Variants in ITPK1 observed in about 807,000 individuals in gnomAD.
The protein encoded by ITPK1 is inositol-tetrakisphosphate 1-kinase, also known as inositol 1,3,4-trisphosphate 5/6-kinase.
ITPK1 carries 21 observed loss-of-function variants against 45.3 expected under a neutral mutation model. The observed-to-expected ratio is 0.46, with a 90% CI of 0.33 to 0.67. The LOEUF (loss-of-function observed/expected upper bound fraction) is 0.67, where lower values mean the gene tolerates loss of function less well. ITPK1 is among the 30% of genes least tolerant of loss of function. The pLI is 0.02. For missense variants in ITPK1, 474 were observed against 573.5 expected (o/e 0.83, Z 1.77); for synonymous variants, 258 against 253.6 (o/e 1.02, Z -0.16).
At chr14:92,959,643 C>T (rs1884947059) in intron 7 of ITPK1, among the ~76,000 whole-genome samples, 1 of 152,040 alleles carries the variant, frequency 6.6e-6, no homozygotes, top group African/African-American at 2.4e-5. Context: ...TTAAGCGCCA[C>T]TGTCTTCCTC....
At chr14:92,980,154 C>T (rs956683213) in intron 5 of ITPK1, among the ~76,000 whole-genome samples, 1 of 152,152 alleles carries the variant, frequency 6.6e-6, no homozygotes, top group African/African-American at 2.4e-5. Context: ...CCTGGATCAT[C>T]TTTGGGCAGA....
chr14:92,992,756 G>A (rs1886851140), intron 5 of ITPK1, among the ~76,000 whole-genome samples: 1 of 152,254 alleles, frequency 6.6e-6, no homozygotes, highest in South Asian at 2.1e-4. Context: ...CGGGGAGCCT[G>A]AGTCAGACAG....
At chr14:93,065,239 C>T (rs180945381) in intron 3 of ITPK1, among the ~76,000 whole-genome samples, 147 of 152,310 alleles carry the variant, frequency 9.7e-4, no homozygotes, top group African/African-American at 3.4e-3. Flanking sequence ...ATGCTACAGA[C>T]ATTTCTGGCT....
chr14:92,947,227 G>T (rs1338245453), intron 9 of ITPK1, among the ~76,000 whole-genome samples: 1 of 152,216 alleles, frequency 6.6e-6, no homozygotes, highest in Non-Finnish European at 1.5e-5. Context: ...AACAATGCGG[G>T]CTCCCCAGAG....
At chr14:93,082,595 G>A (rs529380331) in intron 2 of ITPK1, among the ~76,000 whole-genome samples, 1 of 152,338 alleles carries the variant, frequency 6.6e-6, no homozygotes, top group African/African-American at 2.4e-5. Context: ...ACTCTGCCCT[G>A]CCACCCTGCC....
chr14:92,970,477 C>T (rs899910907), intron 5 of ITPK1, among the ~76,000 whole-genome samples: 1 of 152,184 alleles, frequency 6.6e-6, no homozygotes, highest in Non-Finnish European at 1.5e-5. Context: ...CCTCCGACAC[C>T]GGCTCTTAGA....
chr14:93,013,041 C>T (rs1486214515), intron 4 of ITPK1, among the ~76,000 whole-genome samples: 2 of 152,158 alleles, frequency 1.3e-5, no homozygotes, highest in African/African-American at 4.8e-5. Context: ...ACTCACCAGG[C>T]CAGGAGGCCC....
At chr14:92,962,422 G>A in intron 6 of ITPK1, 27 bp from the exon 7 acceptor site, 1 of 1,560,704 alleles carries the variant, frequency 6.4e-7, no homozygotes, top group Non-Finnish European at 8.8e-7. Flanking sequence ...GAAAAGCAGA[G>A]AGAAATTAGT....
In ITPK1 at chr14:92,946,538, C is replaced by A; in HGVS notation, c.739-45G>T. On this transcript the variant is annotated intron_variant, in intron 9 of 10. Coordinates refer to ENST00000267615, the MANE Select transcript of ITPK1 (RefSeq NM_014216.6). ...AGTCAGGCCATGGGCCGAGGAGCTG[C>A]GAAGCCACACCACACAGACAGACCC... is the stretch of plus-strand genomic sequence containing the variant. 6.3e-6 allele frequency: 10 copies of A among 1,582,996 alleles called. 1 individual carries two copies. In the South Asian group the frequency reaches 8.9e-5, roughly 14 times the overall value.
In ITPK1 at chr14:92,939,684, AG is replaced by A. The variant is rs1423307162; in HGVS notation, c.*1876del. 1 of 985,184 alleles carries A rather than the reference AG, an allele frequency of 1.0e-6. No homozygotes were observed. The highest frequency in any genetic ancestry group is 1.1e-4 in the East Asian group (1 of 8,826). 61.0% of individuals were successfully genotyped at this position (985,184 alleles called of 1,614,324 possible). ...GGGCCCTGGACGCGCAAGACCCCGG[AG>A]GCCACAAACGGTACAGGAACACAGC... On this transcript the variant is annotated 3_prime_UTR_variant, in exon 11 of 11. Coordinates refer to ENST00000267615, the MANE Select transcript of ITPK1 (RefSeq NM_014216.6).
Position 92,975,202 on chromosome 14 carries a change from AG to A in ITPK1, c.365-12354del, listed in dbSNP as rs1396403592. Among the ~76,000 whole-genome samples, 4 of 152,238 alleles carry A rather than the reference AG, an allele frequency of 2.6e-5. No individual in the cohort carries two copies. The Middle Eastern group carries it at 9.5e-3, about 361-fold the overall frequency. On this transcript the variant is annotated intron_variant, in intron 5 of 10. Transcript: ENST00000267615. The stretch of plus-strand genomic sequence containing the variant: ...CCAGCCTTGAAGTCCTCCATGGCCA[AG>A]GGCCTGCCTATGCCTCCCTCCTCCC...
chr14:93,040,960 A>G (rs1889536593), intron 3 of ITPK1, among the ~76,000 whole-genome samples: 1 of 152,186 alleles, frequency 6.6e-6, no homozygotes, highest in African/African-American at 2.4e-5. Flanking sequence ...TGTCGTGCAC[A>G]TTCAACAAGA....
rs980986305 is a variant in ITPK1, at chr14:93,034,505, C to T, written c.121-17704G>A. 1.6e-4 allele frequency among the ~76,000 whole-genome samples: 25 copies of T among 152,178 alleles called. No individual in the cohort carries two copies. Among genetic ancestry groups the T allele is most frequent in the Non-Finnish European group, 3.2e-4 (22 of 68,018 alleles). On this transcript the variant is annotated intron_variant, in intron 3 of 10. Coordinates refer to ENST00000267615, the MANE Select transcript of ITPK1 (RefSeq NM_014216.6). This position sits in a 1 kb window ranked among gnomAD's most constrained non-coding sequence, Gnocchi z 4.1. ...CCTCTCCAAGAATAGAATGGGGAGG[C>T]GGGCTCCACCACAGCTGGCCCCCAC...
chr14:93,099,195 A>G (rs538510421), intron 2 of ITPK1, among the ~76,000 whole-genome samples: 2 of 152,140 alleles, frequency 1.3e-5, no homozygotes, highest in Non-Finnish European at 2.9e-5. Context: ...AGTATATCGG[A>G]GCGGAGTGTC....
chr14:93,111,978 G>T (rs1053427758), intron 2 of ITPK1, among the ~76,000 whole-genome samples: 1 of 152,122 alleles, frequency 6.6e-6, no homozygotes, highest in Non-Finnish European at 1.5e-5. Flanking sequence ...CCTACGGCAG[G>T]TGGGGCACTT....
chr14:93,077,597 C>T (rs1356900666), intron 2 of ITPK1, among the ~76,000 whole-genome samples: 2 of 152,174 alleles, frequency 1.3e-5, no homozygotes, highest in East Asian at 3.9e-4. Context: ...GGATTACAGG[C>T]GCGAGCCACC....
Position 93,055,977 on chromosome 14 carries a change from G to A in ITPK1, c.120+20618C>T, listed in dbSNP as rs892020234. Among the ~76,000 whole-genome samples the A allele has an allele frequency of 3.3e-5, 5 of 152,198 alleles. No individual in the cohort carries two copies. In the East Asian group the frequency reaches 9.6e-4, roughly 29 times the overall value. On this transcript the variant is annotated intron_variant, in intron 3 of 10. Coordinates refer to ENST00000267615, the MANE Select transcript of ITPK1 (RefSeq NM_014216.6). ...GCTAGGGAGGTGAATCAGGCAGCCT[G>A]ATGAGGCTGGGGCAGGTGAGGTGTT... is the stretch of plus-strand genomic sequence containing the variant.
chr14:92,969,292 G>A (rs186647784), intron 5 of ITPK1, among the ~76,000 whole-genome samples: 24 of 152,152 alleles, frequency 1.6e-4, no homozygotes, highest in Non-Finnish European at 3.1e-4. Context: ...ATAGCTGGCC[G>A]GAGCTGGCAG....
At chr14:93,045,983 C>A (rs948228929) in intron 3 of ITPK1, among the ~76,000 whole-genome samples, 1 of 152,250 alleles carries the variant, frequency 6.6e-6, no homozygotes, top group Non-Finnish European at 1.5e-5. Context: ...GCGGTCACTG[C>A]TCTGGCGGGA....
Sources: allele counts gnomAD v4.1 joint callset (sites outside exome capture counted in the v4.1 genomes callset), GRCh38; gene constraint gnomAD v4.1.1; non-coding constraint Gnocchi (gnomAD v3.1); transcripts MANE v1.5; gene names NCBI Gene and HGNC (gene_info 2026-07-23, HGNC 2026-07-21).